MIA3: variants seen among roughly 807,000 people sequenced by gnomAD.
MIA3 encodes MIA SH3 domain ER export factor 3.
MIA3 carries 90 observed loss-of-function variants against 192.4 expected under a neutral mutation model. That is an observed-to-expected ratio of 0.47 (90% CI 0.39 to 0.56). The LOEUF (loss-of-function observed/expected upper bound fraction) is 0.56. MIA3 is among the 20% of genes least tolerant of loss of function. The pLI, the probability that MIA3 is intolerant of heterozygous loss-of-function variation, is 0.00. For synonymous variants in MIA3, 740 were observed against 792.8 expected (o/e 0.93, Z 1.12); for missense variants, 2,123 against 2,269.4 (o/e 0.94, Z 1.31).
intron 26 of MIA3, 120 bp from the exon 27 acceptor site, chr1:222,663,878 A>G: frequency 1.0e-6 from 1 of 978,870 alleles, no homozygotes; most frequent in Admixed American, 2.3e-5. Context: ...TTTTGCACTA[A>G]TTCTGCTCTT....
chr1:222,641,851 G>T, intron 6 of MIA3: 9 of 496,846 alleles, frequency 1.8e-5, no homozygotes, highest in South Asian at 1.4e-4. Context: ...CTCTGTGATA[G>T]TCTTGGAAGT....
chr1:222,664,445 A>G (rs183089640), intron 27 of MIA3, among the ~76,000 whole-genome samples: 1 of 152,336 alleles, frequency 6.6e-6, no homozygotes, highest in Non-Finnish European at 1.5e-5. Flanking sequence ...ATGGATAGCA[A>G]GGTAGATAAA....
chr1:222,634,554 G>A (rs1001842515), intron 6 of MIA3, among the ~76,000 whole-genome samples: 2 of 152,128 alleles, frequency 1.3e-5, no homozygotes, highest in Non-Finnish European at 2.9e-5. Context: ...CTCCAAATGA[G>A]ACATTTAATG....
At chr1:222,658,066 G>A (rs138260060) in intron 18 of MIA3, among the ~76,000 whole-genome samples, 86 of 152,302 alleles carry the variant, frequency 5.6e-4, no homozygotes, top group Admixed American at 1.4e-3. Context: ...AGGTTATCAG[G>A]TTAAAACCAA....
At chr1:222,640,330 A>T (rs1005197984) in intron 6 of MIA3, among the ~76,000 whole-genome samples, 3 of 152,126 alleles carry the variant, frequency 2.0e-5, no homozygotes, top group Non-Finnish European at 4.4e-5. Flanking sequence ...AGCTGATTCT[A>T]CAATTCATAT....
intron 6 of MIA3, among the ~76,000 whole-genome samples, chr1:222,633,636 G>T (rs1376825501): frequency 6.6e-6 from 1 of 152,072 alleles, no homozygotes; most frequent in South Asian, 2.1e-4. Context: ...GATAGGAAAG[G>T]CCAGAAATTC....
intron 26 of MIA3, 96 bp from the exon 27 acceptor site, chr1:222,663,902 G>A (rs1664146902): frequency 1.7e-6 from 2 of 1,174,956 alleles, no homozygotes; most frequent in East Asian, 2.4e-5. Context: ...ACAAGTGCCT[G>A]ACATCTGCTT....
intron 2 of MIA3, among the ~76,000 whole-genome samples, chr1:222,622,009 T>C (rs1271573655): frequency 6.6e-6 from 1 of 152,144 alleles, no homozygotes; most frequent in East Asian, 1.9e-4. Context: ...GGGGTTTCAC[T>C]GTGTTAGCTA....
rs746571376 is a variant in MIA3, at chr1:222,664,042, T to C, written c.5307T>C (p.Pro1769=). 1.9e-6 allele frequency: 3 copies of C among 1,614,010 alleles called. No homozygotes were observed. In the East Asian group the frequency reaches 6.7e-5, roughly 36 times the overall value. The change falls in exon 27 of 28, where the codon CCT becomes CCC. Residue 1769 remains proline (P), a synonymous_variant. Coordinates refer to ENST00000344922, the MANE Select transcript of MIA3 (RefSeq NM_198551.4). ...PKGPPPFPGV[P]LMSTPMGGPV... Reference sequence around the variant, plus strand: ...GGCCCCCTCCTTTCCCAGGAGTCCCTCTCATGAGCACCCCCATGGGAGGCC... The same window carrying C: ...GGCCCCCTCCTTTCCCAGGAGTCCCCCTCATGAGCACCCCCATGGGAGGCC...
Position 222,666,047 on chromosome 1 carries a change from C to T in MIA3, c.*428C>T, listed in dbSNP as rs1276481343. The T allele has an allele frequency of 2.6e-5, 4 of 153,296 alleles. No individual in the cohort carries two copies. In the East Asian group the frequency reaches 5.7e-4, roughly 22 times the overall value. The allele number at this position is 153,296 out of a possible 1,614,324, so 9.5% of individuals were successfully genotyped here. On this transcript the variant is annotated 3_prime_UTR_variant, in exon 28 of 28. Coordinates refer to ENST00000344922, the MANE Select transcript of MIA3 (RefSeq NM_198551.4). ...TTTTTAAACTATCTGGTCACAAAGACTGTTACGCTAAAAATGTTTACTAAA... is the reference window on the plus strand; with the variant it reads ...TTTTTAAACTATCTGGTCACAAAGATTGTTACGCTAAAAATGTTTACTAAA...
chr1:222,630,376 T>C lies in MIA3; in HGVS notation c.3156T>C (p.Gly1052=). ...VMAPPLEEGL[G]GAMEEMQPLH... ...CACCACCTCTAGAGGAAGGCTTGGG[T>C]GGAGCAATGGAAGGTGAGATGCCTA... The change falls in exon 4 of 28, where the codon GGT becomes GGC. Residue 1052 remains glycine, a synonymous_variant. Coordinates refer to ENST00000344922, the MANE Select transcript of MIA3 (RefSeq NM_198551.4). The C allele has an allele frequency of 6.2e-7, 1 of 1,601,384 alleles. No individual in the cohort carries two copies. Among genetic ancestry groups the C allele is most frequent in the African/African-American group, 1.3e-5 (1 of 74,372 alleles).
At chr1:222,619,584 G>C (rs1661767527) in intron 1 of MIA3, among the ~76,000 whole-genome samples, 1 of 152,152 alleles carries the variant, frequency 6.6e-6, no homozygotes, top group African/African-American at 2.4e-5. Context: ...TAGTTTTCTT[G>C]GGTCAAAGCC....
At chr1:222,638,721 A>G (rs952630401) in intron 6 of MIA3, among the ~76,000 whole-genome samples, 1 of 152,150 alleles carries the variant, frequency 6.6e-6, no homozygotes, top group Non-Finnish European at 1.5e-5. Context: ...AAATAAAGAC[A>G]AGAAAATGAA....
chr1:222,625,086 T>C (rs1662050263), intron 3 of MIA3, among the ~76,000 whole-genome samples: 1 of 152,034 alleles, frequency 6.6e-6, no homozygotes, highest in African/African-American at 2.4e-5. Context: ...CTCGGCTCAC[T>C]GCACGCTCTG....
In MIA3 at chr1:222,632,337, C is replaced by A. The variant is rs374887337; in HGVS notation, c.3331+11C>A. The A allele has an allele frequency of 6.2e-7, 1 of 1,603,602 alleles. No homozygotes were observed. The highest frequency in any genetic ancestry group is 1.1e-5 in the South Asian group (1 of 89,306). On this transcript the variant is annotated intron_variant, in intron 5 of 27. Coordinates refer to ENST00000344922, the MANE Select transcript of MIA3 (RefSeq NM_198551.4). Reference sequence around the variant, plus strand: ...AAGACCTGGACCCAGGTAAAGCCTGCTAATTTTTTTCTACAAAGTGGAGAA... The same window carrying A: ...AAGACCTGGACCCAGGTAAAGCCTGATAATTTTTTTCTACAAAGTGGAGAA...
At chr1:222,624,117 G>A (rs1476320213) in intron 2 of MIA3, among the ~76,000 whole-genome samples, 1 of 152,104 alleles carries the variant, frequency 6.6e-6, no homozygotes, top group Non-Finnish European at 1.5e-5. Context: ...CTCTCAGACC[G>A]CATAGCCTAG....
At chr1:222,652,191 T>C (rs781687955) in intron 12 of MIA3, 37 bp from the exon 13 acceptor site, 3 of 1,531,862 alleles carry the variant, frequency 2.0e-6, no homozygotes, top group South Asian at 2.3e-5. Flanking sequence ...CTGGTTTTCT[T>C]TGGAATTAAT....
chr1:222,657,560 G>A (rs1663797190), intron 18 of MIA3, among the ~76,000 whole-genome samples: 1 of 152,236 alleles, frequency 6.6e-6, no homozygotes, highest in East Asian at 1.9e-4. Context: ...TTGTCCATAT[G>A]TTCTTATTTT....
At chr1:222,621,132 A>AT (rs753878340) in intron 1 of MIA3, 27 bp from the exon 2 acceptor site, 57 of 1,563,930 alleles carry the variant, frequency 3.6e-5, no homozygotes, top group Admixed American at 1.4e-4. Flanking sequence ...ATATCTGGCT[A>AT]TTTTTTTTCT....
Sources: gnomAD v4.1 joint callset for allele counts (sites outside exome capture counted in the v4.1 genomes callset) on GRCh38, gnomAD v4.1.1 for gene constraint, MANE v1.5 for transcripts, NCBI Gene and HGNC (gene_info 2026-07-23, HGNC 2026-07-21) for gene names.